The following MYO16 variants were observed in gnomAD, a reference collection of about 807,000 sequenced individuals.
MYO16 encodes myosin XVI.
MYO16 carries 94 observed loss-of-function variants against 205.3 expected under a neutral mutation model. The observed-to-expected ratio is 0.46, with a 90% confidence interval of 0.39 to 0.54. The LOEUF is 0.54. Among genes scored for constraint, MYO16 ranks in the 20% least tolerant of loss-of-function variants. The pLI is 0.00. For missense variants in MYO16, 2,315 were observed against 2,387.5 expected, an observed-to-expected ratio of 0.97 and a Z score of 0.63; for synonymous variants, 988 against 954.0, an observed-to-expected ratio of 1.04 and a Z score of -0.66.
chr13:108,534,777 TTCC>T, the MYO16 span, among the ~76,000 whole-genome samples: 1 of 151,578 alleles, frequency 6.6e-6, no homozygotes, highest in Admixed American at 6.6e-5. Context: ...TTCCTTCTTC[TTCC>T]TCCTTCTTTC....
At chr13:109,163,671 G>T (rs1878499997) in intron 32 of MYO16, among the ~76,000 whole-genome samples, 1 of 152,038 alleles carries the variant, frequency 6.6e-6, no homozygotes, top group Non-Finnish European at 1.5e-5. Flanking sequence ...GCATGGAAAT[G>T]ACATAATCCA....
intron 25 of MYO16, chr13:109,054,454 C>A: frequency 5.0e-6 from 1 of 199,242 alleles, no homozygotes; most frequent in Non-Finnish European, 1.1e-5. Flanking sequence ...TGATAATTGA[C>A]ACATAAAATC....
chr13:108,662,224 T>C (rs1881534346), intron 1 of MYO16, among the ~76,000 whole-genome samples: 1 of 152,162 alleles, frequency 6.6e-6, no homozygotes. Flanking sequence ...TGTCCTTGGC[T>C]TTGGTGGTTT....
chr13:108,635,209 C>T (rs1418394286), intron 1 of MYO16, among the ~76,000 whole-genome samples: 1 of 152,202 alleles, frequency 6.6e-6, no homozygotes, highest in Non-Finnish European at 1.5e-5. Flanking sequence ...CAGATTACCA[C>T]AACCAGCAAT....
chr13:108,524,644 A>C, the MYO16 span, among the ~76,000 whole-genome samples: 1 of 152,206 alleles, frequency 6.6e-6, no homozygotes, highest in Non-Finnish European at 1.5e-5. Context: ...TCTTTGTGCC[A>C]TGATCCTCTT....
intron 34 of MYO16, among the ~76,000 whole-genome samples, chr13:109,205,112 A>G (rs562696491): frequency 6.6e-6 from 1 of 152,266 alleles, no homozygotes; most frequent in South Asian, 2.1e-4. Context: ...TGTTATGTCT[A>G]GAAATTGCTT....
intron 4 of MYO16, among the ~76,000 whole-genome samples, chr13:108,775,766 A>G (rs1382398472): frequency 6.6e-6 from 1 of 152,212 alleles, no homozygotes; most frequent in Non-Finnish European, 1.5e-5. Context: ...TGAGCGGTGC[A>G]CACAGTAATC....
rs531877486 is a variant in MYO16 at position 109,178,449 on chromosome 13, C to T, written c.5324-1093C>T. Among the ~76,000 whole-genome samples the T allele has an allele frequency of 3.9e-5, 6 of 152,292 alleles. No individual in the cohort carries two copies. In the East Asian group the frequency reaches 7.7e-4, roughly 20 times the overall value. On this transcript the variant is annotated intron_variant, in intron 33 of 34. Transcript: ENST00000457511. The stretch of plus-strand genomic sequence containing the variant: ...GAACTCTCTCCTATAATTGGAAAAG[C>T]GTGCACTGATTGTCTAATGATTTTT...
chr13:109,190,203 A>G (rs2139942198), intron 34 of MYO16, among the ~76,000 whole-genome samples: 1 of 152,284 alleles, frequency 6.6e-6, no homozygotes, highest in African/African-American at 2.4e-5. Flanking sequence ...ATATTTTTGT[A>G]AAGTTTAGGT....
rs1444664311 is a variant in MYO16 at position 108,623,002 on chromosome 13, A to G, written c.-39+26763A>G. ...GAGTGAGAGAGAGAAAAGGAAACAA[A>G]TTTTCTCTTGGAGAAGAAAAGAGAA... On this transcript the variant is annotated intron_variant, in intron 1 of 24. Transcript: ENST00000251041. Among the ~76,000 whole-genome samples the G allele has an allele frequency of 1.3e-5, 2 of 150,524 alleles. 1 individual carries two copies. The highest frequency in any genetic ancestry group is 3.9e-4 in the East Asian group (2 of 5,114).
Position 108,824,212 on chromosome 13 carries a change from A to T in MYO16, c.1097+934A>T, listed in dbSNP as rs140570148. 9.5e-3 allele frequency among the ~76,000 whole-genome samples: 1,442 copies of T among 152,188 alleles called. 8 individuals are homozygous for T. Among genetic ancestry groups the T allele is most frequent in the Non-Finnish European group, 0.017 (1,122 of 67,934 alleles). Reference sequence around the variant, plus strand: ...AAAAATTGATAGCACCTGTAAAATTACTGAAAGATAAATTATTAAACATTG... The same window carrying T: ...AAAAATTGATAGCACCTGTAAAATTTCTGAAAGATAAATTATTAAACATTG... On this transcript the variant is annotated intron_variant, in intron 9 of 34. Coordinates refer to ENST00000457511, the MANE Select transcript of MYO16 (RefSeq NM_001198950.3).
intron 23 of MYO16, among the ~76,000 whole-genome samples, chr13:109,036,012 C>T (rs1443337428): frequency 6.6e-6 from 1 of 152,200 alleles, no homozygotes; most frequent in Non-Finnish European, 1.5e-5. Flanking sequence ...TTGACAGACA[C>T]TAAAATTATT....
At chr13:108,914,939 G>T (rs974750021) in intron 16 of MYO16, among the ~76,000 whole-genome samples, 1 of 152,164 alleles carries the variant, frequency 6.6e-6, no homozygotes, top group African/African-American at 2.4e-5. Flanking sequence ...CACTGCGCCC[G>T]ACCTGTAATT....
intron 4 of MYO16, among the ~76,000 whole-genome samples, chr13:108,783,295 A>T (rs951907416): frequency 6.6e-6 from 1 of 152,182 alleles, no homozygotes; most frequent in Non-Finnish European, 1.5e-5. Flanking sequence ...TGACTGCCCT[A>T]CTAAATTTCA....
At chr13:108,968,379 G>A (rs946914422) in intron 20 of MYO16, among the ~76,000 whole-genome samples, 1 of 152,166 alleles carries the variant, frequency 6.6e-6, no homozygotes, top group Admixed American at 6.5e-5. Context: ...GGAGGCCAAC[G>A]CGGGTGGATC....
At chr13:108,502,278 A>AG in the MYO16 span, among the ~76,000 whole-genome samples, 2 of 152,184 alleles carry the variant, frequency 1.3e-5, no homozygotes, top group African/African-American at 4.8e-5. Context: ...AAAAAAATGA[A>AG]GGGAAAACCC....
At chr13:108,733,703 A>C (rs1488874717) in intron 4 of MYO16, among the ~76,000 whole-genome samples, 2 of 152,168 alleles carry the variant, frequency 1.3e-5, no homozygotes, top group Non-Finnish European at 2.9e-5. Flanking sequence ...TGGATCACAC[A>C]TGTAATCCCA....
At chr13:109,083,195 C>T (rs1888332759) in intron 27 of MYO16, among the ~76,000 whole-genome samples, 1 of 151,814 alleles carries the variant, frequency 6.6e-6, no homozygotes, top group South Asian at 2.1e-4. Context: ...CCAGCCTGGC[C>T]AACATGGCGA....
At chr13:108,962,533 G>T (rs892129990) in intron 19 of MYO16, 38 bp downstream of exon 19, 7 of 1,379,096 alleles carry the variant, frequency 5.1e-6, no homozygotes, top group Non-Finnish European at 7.0e-6. Context: ...GTGCAATTTA[G>T]AATCAAATAT....
Sources: gnomAD v4.1 joint callset for allele counts (sites outside exome capture counted in the v4.1 genomes callset) on GRCh38, gnomAD v4.1.1 for gene constraint, MANE v1.5 for transcripts, NCBI Gene and HGNC (gene_info 2026-07-23, HGNC 2026-07-21) for gene names.